The following ATPSCKMT variants were observed in gnomAD, a reference collection of about 807,000 sequenced individuals.
ATPSCKMT encodes ATP synthase subunit C lysine N-methyltransferase.
ATPSCKMT carries 24 observed loss-of-function variants against 24.3 expected under a neutral mutation model. The observed-to-expected ratio is 0.99, with a 90% CI of 0.71 to 1.39. The LOEUF (loss-of-function observed/expected upper bound fraction) is 1.39, where lower values mean the gene tolerates loss of function less well. ATPSCKMT is among the 40% of genes most tolerant of loss of function. ATPSCKMT has a pLI of 0.00. For synonymous variants in ATPSCKMT, 95 were observed against 110.5 expected, an observed-to-expected ratio of 0.86 and a Z score of 0.88; for missense variants, 311 against 298.4, an observed-to-expected ratio of 1.04 and a Z score of -0.31.
At chr5:10,249,813 C>A in intron 1 of ATPSCKMT, 45 bp downstream of exon 1, 1 of 1,545,072 alleles carries the variant, frequency 6.5e-7, no homozygotes, top group South Asian at 1.2e-5. Context: ...CCGCCCGCAC[C>A]CCTTCTCATG....
intron 1 of ATPSCKMT, among the ~76,000 whole-genome samples, chr5:10,245,746 CA>C (rs773111276): frequency 0.021 from 1,938 of 93,940 alleles, 25 homozygotes; most frequent in African/African-American, 0.057. Flanking sequence ...GACCTCATTA[CA>C]AAAAAAAAAA....
chr5:10,236,677 A>C, intron 2 of ATPSCKMT, 62 bp from the exon 3 acceptor site: 1 of 1,588,144 alleles, frequency 6.3e-7, no homozygotes. Flanking sequence ...ATGGTCAAAC[A>C]ATATGAATAT....
chr5:10,235,826 T>C (rs1329850813), intron 3 of ATPSCKMT, among the ~76,000 whole-genome samples: 1 of 152,170 alleles, frequency 6.6e-6, no homozygotes, highest in East Asian at 1.9e-4. Flanking sequence ...GCCCAATAAG[T>C]CTTATTTACT....
intron 4 of ATPSCKMT, among the ~76,000 whole-genome samples, chr5:10,230,749 AC>A (rs1744093095): frequency 6.6e-6 from 1 of 151,992 alleles, no homozygotes; most frequent in South Asian, 2.1e-4. Context: ...CCCCCCAGGA[AC>A]CCCGGTTTCA....
At chr5:10,233,166 T>C (rs973684699) in intron 4 of ATPSCKMT, among the ~76,000 whole-genome samples, 1 of 152,146 alleles carries the variant, frequency 6.6e-6, no homozygotes, top group Non-Finnish European at 1.5e-5. Context: ...AGTATCTACC[T>C]GGGCATCAGC....
intron 3 of ATPSCKMT, among the ~76,000 whole-genome samples, chr5:10,235,604 G>T (rs947826325): frequency 2.6e-5 from 4 of 152,104 alleles, no homozygotes; most frequent in African/African-American, 9.7e-5. Context: ...GTGGCACCGG[G>T]GCCACGTGTT....
Position 10,227,180 on chromosome 5 carries a change from C to G in ATPSCKMT, c.*261G>C. 1 of 466,732 alleles carries G rather than the reference C, an allele frequency of 2.1e-6. No homozygotes were observed. The highest frequency in any genetic ancestry group is 2.2e-5 in the South Asian group (1 of 44,576). The allele number at this position is 466,732 out of a possible 1,614,324, so 28.9% of individuals were successfully genotyped here. ...GGCATCTTATTTTCCTACCCATAAC[C>G]ATGACCATCACTTATTCATCTTTTC... On this transcript the variant is annotated 3_prime_UTR_variant, in exon 5 of 5. Transcript: ENST00000511437.
At chr5:10,233,726 C>T (rs1459047252) in intron 4 of ATPSCKMT, among the ~76,000 whole-genome samples, 1 of 152,144 alleles carries the variant, frequency 6.6e-6, no homozygotes, top group African/African-American at 2.4e-5. Flanking sequence ...TCCTGCCTCT[C>T]CACAACGCAT....
chr5:10,247,915 T>A (rs1446929785), intron 1 of ATPSCKMT, among the ~76,000 whole-genome samples: 1 of 152,198 alleles, frequency 6.6e-6, no homozygotes, highest in Non-Finnish European at 1.5e-5. Flanking sequence ...CTTATTGACT[T>A]CTAATATTGG....
At position 10,227,618 on chromosome 5, in the gene ATPSCKMT, A is replaced by T; in HGVS notation, c.525T>A (p.Arg175=). Residue 175 remains arginine, a synonymous_variant, in exon 5 of 5, where the codon CGT becomes CGA. Coordinates refer to ENST00000511437, the MANE Select transcript of ATPSCKMT (RefSeq NM_199133.4). ...MMLQLEKKLE[R]ELEDDARVIA... ...TAACTCGTGCATCATCCTCAAGTTC[A>T]CGTTCAAGTTTCTTCTCCAACTGCA... 2 of 1,614,206 alleles carry T rather than the reference A, an allele frequency of 1.2e-6. No individual in the cohort carries two copies. The highest frequency in any genetic ancestry group is 2.2e-5 in the South Asian group (2 of 91,082).
At position 10,247,920 on chromosome 5, in the gene ATPSCKMT, T is replaced by C. The variant is rs557917376; in HGVS notation, c.16+1938A>G. ...GCCCTGCTTGCTTATTGACTTCTAATATTGGTTGAAAACTTCAATTTTTAG... is the reference window on the plus strand; with the variant it reads ...GCCCTGCTTGCTTATTGACTTCTAACATTGGTTGAAAACTTCAATTTTTAG... On this transcript the variant is annotated intron_variant, in intron 1 of 4. Coordinates refer to ENST00000511437, the MANE Select transcript of ATPSCKMT (RefSeq NM_199133.4). Among the ~76,000 whole-genome samples, 205 of 152,314 alleles carry C rather than the reference T, an allele frequency of 1.3e-3. 1 individual carries two copies. The highest frequency in any genetic ancestry group is 4.6e-3 in the African/African-American group (192 of 41,560).
chr5:10,237,882 G>C lies in ATPSCKMT; in HGVS notation c.306+1185C>G, dbSNP rs962941910. Among the ~76,000 whole-genome samples, 7 of 152,248 alleles carry C rather than the reference G, an allele frequency of 4.6e-5. No individual in the cohort carries two copies. The South Asian group carries it at 8.3e-4, about 18-fold the overall frequency. On this transcript the variant is annotated intron_variant, in intron 2 of 4. Coordinates refer to ENST00000511437, the MANE Select transcript of ATPSCKMT (RefSeq NM_199133.4). ...CTGCCTCAGCCTCCTGAGTAGCTGG[G>C]ATTACACGCGTGCACCATCATGCCT... is the stretch of plus-strand genomic sequence containing the variant.
rs1288192410 is a variant in ATPSCKMT, at chr5:10,226,707, G to A, written c.*734C>T. The stretch of plus-strand genomic sequence containing the variant: ...ACCATTTATGGACCAAAGACTAGGT[G>A]CCATGAGTTTTAGAAATTGGTCCCC... On this transcript the variant is annotated 3_prime_UTR_variant, in exon 5 of 5. Coordinates refer to ENST00000511437, the MANE Select transcript of ATPSCKMT (RefSeq NM_199133.4). The A allele has an allele frequency of 6.6e-6, 1 of 152,178 alleles. No homozygotes were observed. Among genetic ancestry groups the A allele is most frequent in the Non-Finnish European group, 1.5e-5 (1 of 68,036 alleles). 9.4% of individuals were successfully genotyped at this position (152,178 alleles called of 1,614,324 possible).
rs753962991 is a variant in ATPSCKMT, at chr5:10,249,844, C to T, written c.16+14G>A. 4 of 1,558,724 alleles carry T rather than the reference C, an allele frequency of 2.6e-6. No homozygotes were observed. Among genetic ancestry groups the T allele is most frequent in the Admixed American group, 2.0e-5 (1 of 50,954 alleles). ...TCATGCCCCCAGGAACCCGCCAAGC[C>T]GCTCCAGCCTCACCTCCTCCTCCCT... On this transcript the variant is annotated intron_variant, in intron 1 of 4. Transcript: ENST00000511437.
chr5:10,247,034 G>A (rs1343509031), intron 1 of ATPSCKMT, among the ~76,000 whole-genome samples: 4 of 152,360 alleles, frequency 2.6e-5, no homozygotes, highest in Admixed American at 2.6e-4. Context: ...CAAACAGGAA[G>A]GCAGGCCTCT....
chr5:10,228,550 C>CTTCA (rs1374643186), intron 4 of ATPSCKMT, among the ~76,000 whole-genome samples: 1 of 152,158 alleles, frequency 6.6e-6, no homozygotes, highest in Non-Finnish European at 1.5e-5. Flanking sequence ...ATATTACCAC[C>CTTCA]TTCACCACCT....
chr5:10,231,549 CA>C (rs1374811860), intron 4 of ATPSCKMT, among the ~76,000 whole-genome samples: 5 of 152,010 alleles, frequency 3.3e-5, no homozygotes, highest in Non-Finnish European at 7.4e-5. Flanking sequence ...CACTGCCCCC[CA>C]CCCTGCCCGA....
chr5:10,225,879 C>T lies in ATPSCKMT; in HGVS notation c.*1562G>A, dbSNP rs1170395898. ...ATGGCAAGGAGCTACCATGGATCCCCCTCCGAGTGTGCCCAGACCAGTTAC... is the reference window on the plus strand; with the variant it reads ...ATGGCAAGGAGCTACCATGGATCCCTCTCCGAGTGTGCCCAGACCAGTTAC... On this transcript the variant is annotated 3_prime_UTR_variant, in exon 5 of 5. Coordinates refer to ENST00000511437, the MANE Select transcript of ATPSCKMT (RefSeq NM_199133.4). Among the ~76,000 whole-genome samples the T allele has an allele frequency of 6.6e-6, 1 of 152,164 alleles. No individual in the cohort carries two copies. The highest frequency in any genetic ancestry group is 1.5e-5 in the Non-Finnish European group (1 of 68,036).
intron 1 of ATPSCKMT, among the ~76,000 whole-genome samples, chr5:10,246,922 G>A (rs1428316214): frequency 6.6e-6 from 1 of 152,192 alleles, no homozygotes; most frequent in Non-Finnish European, 1.5e-5. Flanking sequence ...GGACCAGTGA[G>A]GTGTTGGCAG....
Sources: gnomAD v4.1 joint callset for allele counts (sites outside exome capture counted in the v4.1 genomes callset) on GRCh38, gnomAD v4.1.1 for gene constraint, MANE v1.5 for transcripts, NCBI Gene and HGNC (gene_info 2026-07-23, HGNC 2026-07-21) for gene names.